Variants in INPP4B observed in about 807,000 individuals in gnomAD.
INPP4B encodes the protein inositol polyphosphate-4-phosphatase type II B.
In INPP4B, 55 loss-of-function variants were observed where a neutral mutation model predicts 122.5. That is an observed-to-expected ratio of 0.45 (90% CI 0.36 to 0.56). INPP4B has a LOEUF of 0.56. Among genes scored for constraint, INPP4B ranks in the 20% least tolerant of loss-of-function variants. The pLI, the probability that INPP4B is intolerant of heterozygous loss-of-function variation, is 0.00. For synonymous variants in INPP4B, 403 were observed against 388.7 expected (o/e 1.04, Z -0.43); for missense variants, 1,000 against 1,097.7 (o/e 0.91, Z 1.26).
At chr4:142,656,123 A>G (rs972517368) in intron 2 of INPP4B, among the ~76,000 whole-genome samples, 1 of 152,086 alleles carries the variant, frequency 6.6e-6, no homozygotes, top group African/African-American at 2.4e-5. Context: ...AGCAGGGAGG[A>G]GCCTGGCCCC....
rs564661499 is a variant in INPP4B at position 142,653,404 on chromosome 4, G to A, written c.-191+72435C>T. 9.2e-5 allele frequency among the ~76,000 whole-genome samples: 14 copies of A among 152,132 alleles called. No individual in the cohort carries two copies. In the Middle Eastern group the frequency reaches 0.014, roughly 148 times the overall value. On this transcript the variant is annotated intron_variant, in intron 2 of 25. Coordinates refer to ENST00000262992, the MANE Select transcript of INPP4B (RefSeq NM_001101669.3). ...TAATTAAACTAAAGAGCTTCTGCAC[G>A]GCAAAATAAAATACCATCAGAGTGA...
At position 142,476,410 on chromosome 4, in the gene INPP4B, T is replaced by C. The variant is rs182594763; in HGVS notation, c.-190-13684A>G. ...ACTTAAGTACATAAACCATTGACAC[T>C]GTAAAGGAACCACACAATCAAGTCT... On this transcript the variant is annotated intron_variant, in intron 2 of 25. Transcript: ENST00000262992. Among the ~76,000 whole-genome samples the C allele has an allele frequency of 1.6e-4, 24 of 152,220 alleles. No homozygotes were observed. The East Asian group carries it at 4.6e-3, about 29-fold the overall frequency.
At chr4:142,429,797 G>A (rs1442347515) in intron 4 of INPP4B, among the ~76,000 whole-genome samples, 1 of 152,038 alleles carries the variant, frequency 6.6e-6, no homozygotes, top group African/African-American at 2.4e-5. Flanking sequence ...TTTAAGATGA[G>A]CTAGGAGTGA....
chr4:142,830,079 G>A (rs949351290), intron 1 of INPP4B, among the ~76,000 whole-genome samples: 1 of 152,026 alleles, frequency 6.6e-6, no homozygotes, highest in Non-Finnish European at 1.5e-5. Flanking sequence ...GATGTATTGT[G>A]TTCATGAATA....
At chr4:142,066,708 C>T (rs574110872) in intron 25 of INPP4B, among the ~76,000 whole-genome samples, 3 of 152,328 alleles carry the variant, frequency 2.0e-5, no homozygotes, top group Admixed American at 6.5e-5. Flanking sequence ...CCCACACCCA[C>T]AGAGCCTCAC....
At chr4:142,585,836 C>A (rs2150223188) in intron 2 of INPP4B, among the ~76,000 whole-genome samples, 1 of 134,032 alleles carries the variant, frequency 7.5e-6, no homozygotes, top group East Asian at 2.2e-4. Flanking sequence ...AAAAAAATTA[C>A]ACTAAACACT....
chr4:142,089,440 C>T (rs1485145590), intron 23 of INPP4B, among the ~76,000 whole-genome samples: 1 of 64,032 alleles, frequency 1.6e-5, no homozygotes, highest in Non-Finnish European at 2.8e-5. Flanking sequence ...GTTCTCACCA[C>T]ACACACACAC....
At chr4:142,683,602 T>C (rs1254468072) in intron 2 of INPP4B, among the ~76,000 whole-genome samples, 1 of 151,478 alleles carries the variant, frequency 6.6e-6, no homozygotes, top group Non-Finnish European at 1.5e-5. Flanking sequence ...GTATCTTGCA[T>C]AGGTTTCTTA....
At chr4:142,284,280 A>C (rs1752502256) in intron 9 of INPP4B, among the ~76,000 whole-genome samples, 1 of 152,166 alleles carries the variant, frequency 6.6e-6, no homozygotes, top group African/African-American at 2.4e-5. Flanking sequence ...GCTGATACAC[A>C]TGATCTAGCA....
intron 2 of INPP4B, among the ~76,000 whole-genome samples, chr4:142,625,878 G>A (rs1372140923): frequency 6.6e-6 from 1 of 152,112 alleles, no homozygotes; most frequent in Non-Finnish European, 1.5e-5. Context: ...AACAAGAAAT[G>A]GGGAAAGGAT....
intron 7 of INPP4B, among the ~76,000 whole-genome samples, chr4:142,329,550 G>A (rs1229568152): frequency 6.6e-6 from 1 of 152,122 alleles, no homozygotes; most frequent in Non-Finnish European, 1.5e-5. Flanking sequence ...ACTGCAGGAG[G>A]TCAAGTGTGG....
chr4:142,313,580 C>T (rs1245543779), intron 8 of INPP4B, among the ~76,000 whole-genome samples: 1 of 152,110 alleles, frequency 6.6e-6, no homozygotes, highest in African/African-American at 2.4e-5. Flanking sequence ...GGTCCATCTG[C>T]CTGTGTCTGT....
chr4:142,281,553 A>G (rs1751221451), intron 9 of INPP4B, among the ~76,000 whole-genome samples: 1 of 152,016 alleles, frequency 6.6e-6, no homozygotes, highest in Admixed American at 6.6e-5. Context: ...GAGAATTTGT[A>G]TGCTTTTGGG....
rs574163807 is a variant in INPP4B at position 142,217,843 on chromosome 4, A to C, written c.837-8817T>G. On this transcript the variant is annotated intron_variant, in intron 12 of 25. Transcript: ENST00000262992. ...GAATAAGAGACTGACACTTCCCCCAAGTAAGAGAGGAATCTCCTGCCTGAC... is the reference window on the plus strand; with the variant it reads ...GAATAAGAGACTGACACTTCCCCCACGTAAGAGAGGAATCTCCTGCCTGAC... Among the ~76,000 whole-genome samples the C allele has an allele frequency of 3.9e-5, 6 of 152,242 alleles. No individual in the cohort carries two copies. The South Asian group carries it at 1.2e-3, about 32-fold the overall frequency.
At chr4:142,048,070 TTTCATAC>T (rs1752522586) in intron 25 of INPP4B, among the ~76,000 whole-genome samples, 1 of 152,146 alleles carries the variant, frequency 6.6e-6, no homozygotes, top group Admixed American at 6.6e-5. Flanking sequence ...CACCTTTAGC[TTTCATAC>T]CACTCCTGTG....
chr4:142,151,708 C>G (rs1814024992), intron 17 of INPP4B, among the ~76,000 whole-genome samples: 1 of 152,174 alleles, frequency 6.6e-6, no homozygotes, highest in East Asian at 1.9e-4. Context: ...TTACATTCTT[C>G]TCTCAGCCTG....
In INPP4B at chr4:142,294,829, C is replaced by CAAAAAAAAAA. The variant is rs57430432; in HGVS notation, c.503+10619_503+10628dup. Among the ~76,000 whole-genome samples the CAAAAAAAAAA allele has an allele frequency of 5.6e-4, 16 of 28,470 alleles. 2 individuals carry two copies. The highest frequency in any genetic ancestry group is 4.5e-3 in the East Asian group (3 of 662). 18.7% of individuals were successfully genotyped at this position (28,470 alleles called of 152,430 possible). On this transcript the variant is annotated intron_variant, in intron 9 of 25. Coordinates refer to ENST00000262992, the MANE Select transcript of INPP4B (RefSeq NM_001101669.3). ...CGGGCGACAGAGCGAGACTCCGTCT[C>CAAAAAAAAAA]AAAAAAAAAAAAAAAAAAAAAAAAA...
intron 3 of INPP4B, among the ~76,000 whole-genome samples, chr4:142,446,657 A>T (rs1240499032): frequency 6.6e-6 from 1 of 152,228 alleles, no homozygotes; most frequent in East Asian, 1.9e-4. Context: ...TGATTTATTC[A>T]TTCTTTACAG....
chr4:142,283,013 A>G (rs1311530489), intron 9 of INPP4B, among the ~76,000 whole-genome samples: 4 of 152,096 alleles, frequency 2.6e-5, no homozygotes, highest in Non-Finnish European at 4.4e-5. Flanking sequence ...GACAAGTTTT[A>G]GACACAACTT....
Sources: gnomAD v4.1 joint callset for allele counts (sites outside exome capture counted in the v4.1 genomes callset) on GRCh38, gnomAD v4.1.1 for gene constraint, MANE v1.5 for transcripts, NCBI Gene and HGNC (gene_info 2026-07-23, HGNC 2026-07-21) for gene names.